The following NAP1L1 variants were observed in gnomAD, a reference collection of about 807,000 sequenced individuals.
NAP1L1 encodes nucleosome assembly protein 1-like 1.
NAP1L1 carries 9 observed loss-of-function variants against 58.9 expected under a neutral mutation model. That is an observed-to-expected ratio of 0.15 (90% CI 0.09 to 0.27). The LOEUF (loss-of-function observed/expected upper bound fraction) is 0.27, where lower values mean the gene tolerates loss of function less well. Ranked by LOEUF, NAP1L1 falls within the 10% of genes least tolerant of loss-of-function variation. The pLI is 1.00. For missense variants in NAP1L1, 302 were observed against 458.8 expected (o/e 0.66, Z 3.12); for synonymous variants, 130 against 138.3 (o/e 0.94, Z 0.42).
Position 76,042,971 on chromosome 12 carries a change from C to T in NAP1L1, c.*5458G>A, listed in dbSNP as rs1197555040. 1.3e-5 allele frequency: 2 copies of T among 152,196 alleles called. No homozygotes were observed. The allele number at this position is 152,196 out of a possible 1,614,324, so 9.4% of individuals were successfully genotyped here. On this transcript the variant is annotated 3_prime_UTR_variant, in exon 15 of 15. Transcript: ENST00000618691. ...AATATTGATAAGTTACCCCAAAACA[C>T]CAATCTGGAGTTTGACTAAGGGGAT...
intron 13 of NAP1L1, 48 bp downstream of exon 13, chr12:76,049,708 T>C (rs1183661393): frequency 1.2e-6 from 2 of 1,605,586 alleles, no homozygotes; most frequent in Admixed American, 3.4e-5. Flanking sequence ...AATTTGCTTC[T>C]CAATGTGTTA....
intron 11 of NAP1L1, among the ~76,000 whole-genome samples, chr12:76,051,364 T>C (rs1413876751): frequency 6.6e-6 from 1 of 151,100 alleles, no homozygotes; most frequent in Non-Finnish European, 1.5e-5. Context: ...TGTTAATATA[T>C]AGTTATTGTT....
intron 4 of NAP1L1, among the ~76,000 whole-genome samples, chr12:76,062,151 A>G (rs988166501): frequency 1.1e-4 from 17 of 152,230 alleles, no homozygotes; most frequent in Admixed American, 1.0e-3. Flanking sequence ...CAAGAGCCCA[A>G]TGCGAGGGTT....
rs1252263120 is a variant in NAP1L1 at position 76,045,716 on chromosome 12, A to G, written c.*2713T>C. On this transcript the variant is annotated 3_prime_UTR_variant, in exon 15 of 15. Transcript: ENST00000618691. The stretch of plus-strand genomic sequence containing the variant: ...TTATATATGTGGCTTTCAGACATCC[A>G]TGTTAAACTATCAACTTGTGGAATT... The G allele has an allele frequency of 6.6e-6, 1 of 152,060 alleles. No individual in the cohort carries two copies. Among genetic ancestry groups the G allele is most frequent in the African/African-American group, 2.4e-5 (1 of 41,432 alleles). The allele number at this position is 152,060 out of a possible 1,614,324, so 9.4% of individuals were successfully genotyped here. A position where few individuals can be genotyped will look rare whatever the true frequency, so the allele number is the denominator to read the frequency against.
In NAP1L1 at chr12:76,045,028, T is replaced by G. The variant is rs1320962991; in HGVS notation, c.*3401A>C. 6.6e-6 allele frequency: 1 copy of G among 152,154 alleles called. No homozygotes were observed. Among genetic ancestry groups the G allele is most frequent in the Non-Finnish European group, 1.5e-5 (1 of 67,990 alleles). The allele number at this position is 152,154 out of a possible 1,614,324, so 9.4% of individuals were successfully genotyped here. A position where few individuals can be genotyped will look rare whatever the true frequency, so the allele number is the denominator to read the frequency against. On this transcript the variant is annotated 3_prime_UTR_variant, in exon 15 of 15. Coordinates refer to ENST00000618691, the MANE Select transcript of NAP1L1 (RefSeq NM_004537.7). Reference sequence around the variant, plus strand: ...CATGTACTTTTCAGGTATCAGAGACTTAGTGCTTTAAGTAGCAAATTACCT... The same window carrying G: ...CATGTACTTTTCAGGTATCAGAGACGTAGTGCTTTAAGTAGCAAATTACCT...
At chr12:76,080,856 G>A (rs1290698920) in intron 1 of NAP1L1, among the ~76,000 whole-genome samples, 5 of 152,170 alleles carry the variant, frequency 3.3e-5, no homozygotes, top group African/African-American at 7.2e-5. Flanking sequence ...CCTCACAAAC[G>A]AATTAATCCA....
rs930914813 is a variant in NAP1L1 at position 76,056,275 on chromosome 12, GTCTA to G, written c.430-118_430-115del. The stretch of plus-strand genomic sequence containing the variant: ...ACCAGATATTACCTTCAAAGTTCTA[GTCTA>G]TCTGTGTAAACACCGCCGTTGCCCA... On this transcript the variant is annotated intron_variant, in intron 6 of 14. Transcript: ENST00000618691. 32 of 1,079,908 alleles carry G rather than the reference GTCTA, an allele frequency of 3.0e-5. No homozygotes were observed. The African/African-American group carries it at 4.5e-4, about 15-fold the overall frequency. 66.9% of individuals were successfully genotyped at this position (1,079,908 alleles called of 1,614,324 possible).
rs1257921760 is a variant in NAP1L1 at position 76,053,885 on chromosome 12, C to G, written c.655G>C (p.Glu219Gln). Residue 219 changes from glutamate to glutamine, a missense_variant, in exon 9 of 15, where the codon GAA (glutamate) becomes CAA (glutamine). By Grantham distance (29) the Glu-to-Gln change is conservative. Coordinates refer to ENST00000618691, the MANE Select transcript of NAP1L1 (RefSeq NM_004537.7). Reference sequence around the variant, plus strand: ...TCATTTGTAAAATATTCATTGGGTTCAAAGTGAAATTCTAAGACAAAACTC... The same window carrying G: ...TCATTTGTAAAATATTCATTGGGTTGAAAGTGAAATTCTAAGACAAAACTC... ...PMSFVLEFHF[E>Q]PNEYFTNEVL... The G allele has an allele frequency of 6.3e-7, 1 of 1,596,224 alleles. No homozygotes were observed. The highest frequency in any genetic ancestry group is 1.4e-5 in the African/African-American group (1 of 73,362).
At chr12:76,073,289 A>G (rs916158295) in intron 2 of NAP1L1, among the ~76,000 whole-genome samples, 5 of 152,110 alleles carry the variant, frequency 3.3e-5, no homozygotes, top group Non-Finnish European at 5.9e-5. Flanking sequence ...AGCTATGGAA[A>G]ATAATTTAGC....
chr12:76,050,685 T>G (rs1023426701), intron 11 of NAP1L1, 32 bp from the exon 12 acceptor site: 1 of 1,590,180 alleles, frequency 6.3e-7, no homozygotes, highest in African/African-American at 1.4e-5. Flanking sequence ...AGCAGAAAAT[T>G]TAGGAATAAC....
chr12:76,052,291 C>G (rs1022314457), intron 11 of NAP1L1, among the ~76,000 whole-genome samples: 1 of 152,030 alleles, frequency 6.6e-6, no homozygotes, highest in Non-Finnish European at 1.5e-5. Flanking sequence ...AACTTGAACA[C>G]AAACTCCAAC....
At chr12:76,073,185 G>GT (rs1429196695) in intron 2 of NAP1L1, among the ~76,000 whole-genome samples, 2 of 151,854 alleles carry the variant, frequency 1.3e-5, no homozygotes, top group African/African-American at 2.4e-5. Context: ...GATAAAATGC[G>GT]TAAGAGTGGC....
intron 2 of NAP1L1, among the ~76,000 whole-genome samples, chr12:76,072,301 A>T (rs1220204417): frequency 3.1e-5 from 4 of 130,186 alleles, no homozygotes; most frequent in African/African-American, 9.1e-5. Context: ...GATGCTATTT[A>T]AAAAAAAAAA....
intron 2 of NAP1L1, among the ~76,000 whole-genome samples, chr12:76,069,836 AT>A (rs1418529642): frequency 6.6e-6 from 1 of 151,882 alleles, no homozygotes; most frequent in East Asian, 1.9e-4. Context: ...AAAAAAAAAA[AT>A]CACCAAAAAT....
Position 76,043,496 on chromosome 12 carries a change from A to T in NAP1L1, c.*4933T>A, listed in dbSNP as rs1392445420. ...GTCTCAGAAAAAAAAAAAAAAAAAAAAATTTCTACATGGAATGGTCATCCT... is the reference window on the plus strand; with the variant it reads ...GTCTCAGAAAAAAAAAAAAAAAAAATAATTTCTACATGGAATGGTCATCCT... On this transcript the variant is annotated 3_prime_UTR_variant, in exon 15 of 15. Coordinates refer to ENST00000618691, the MANE Select transcript of NAP1L1 (RefSeq NM_004537.7). The T allele has an allele frequency of 1.3e-5, 2 of 151,464 alleles. No homozygotes were observed. Among genetic ancestry groups the T allele is most frequent in the East Asian group, 3.8e-4 (2 of 5,196 alleles). 9.4% of individuals were successfully genotyped at this position (151,464 alleles called of 1,614,324 possible). A position where few individuals can be genotyped will look rare whatever the true frequency, so the allele number is the denominator to read the frequency against.
intron 11 of NAP1L1, among the ~76,000 whole-genome samples, chr12:76,051,339 A>G (rs929306185): frequency 6.6e-6 from 1 of 151,974 alleles, no homozygotes; most frequent in Non-Finnish European, 1.5e-5. Context: ...ATAAAAAAAA[A>G]AACCCTTGGG....
intron 3 of NAP1L1, 51 bp from the exon 4 acceptor site, chr12:76,067,524 G>A (rs771378680): frequency 2.1e-6 from 3 of 1,438,510 alleles, no homozygotes; most frequent in South Asian, 2.3e-5. Context: ...AATGTATTAT[G>A]CTTTTTTAAT....
chr12:76,084,107 T>A (rs1207202726), intron 1 of NAP1L1: 2 of 151,316 alleles, frequency 1.3e-5, no homozygotes, highest in Middle Eastern at 3.2e-3. Context: ...TCTTTTCATC[T>A]CCCAGCGGCC....
At chr12:76,062,164 T>G (rs1949446160) in intron 4 of NAP1L1, among the ~76,000 whole-genome samples, 2 of 152,324 alleles carry the variant, frequency 1.3e-5, no homozygotes, top group East Asian at 3.9e-4. Context: ...CGAGGGTTGA[T>G]GAAAGCTGCA....
Sources: gnomAD v4.1 joint callset for allele counts (sites outside exome capture counted in the v4.1 genomes callset) on GRCh38, gnomAD v4.1.1 for gene constraint, MANE v1.5 for transcripts, NCBI Gene and HGNC (gene_info 2026-07-23, HGNC 2026-07-21) for gene names.